Variants in SPNS3 observed in about 807,000 individuals in gnomAD.
SPNS3 encodes protein spinster homolog 3.
SPNS3 carries 51 observed loss-of-function variants against 54.4 expected under a neutral mutation model. That is an observed-to-expected ratio of 0.94 (90% CI 0.75 to 1.18). The LOEUF is 1.18. Among genes scored for constraint, SPNS3 ranks in the 50% most tolerant of loss-of-function variants. The probability of loss-of-function intolerance (pLI) is 0.00; values close to 1 mark genes in which losing one functional copy is unlikely to be tolerated. For missense variants in SPNS3, 669 were observed against 677.4 expected (o/e 0.99, Z 0.14); for synonymous variants, 309 against 294.7 (o/e 1.05, Z -0.50).
intron 1 of SPNS3, among the ~76,000 whole-genome samples, chr17:4,434,861 G>A (rs1241137302): frequency 6.7e-6 from 1 of 149,648 alleles, no homozygotes; most frequent in Non-Finnish European, 1.5e-5. Flanking sequence ...CTGGAGTGCA[G>A]TGGCGCGATC....
At chr17:4,448,330 G>T (rs908487309) in intron 6 of SPNS3, 27 bp downstream of exon 6, 1 of 1,497,376 alleles carries the variant, frequency 6.7e-7, no homozygotes, top group African/African-American at 1.4e-5. Context: ...CCCCCTGCAA[G>T]GCACAGAAAA....
At chr17:4,441,918 C>A (rs907887264) in intron 2 of SPNS3, among the ~76,000 whole-genome samples, 1 of 150,742 alleles carries the variant, frequency 6.6e-6, no homozygotes, top group Non-Finnish European at 1.5e-5. Flanking sequence ...CTGGCCCTTA[C>A]CATAGTATGG....
chr17:4,464,932 C>T (rs1411589237), intron 8 of SPNS3, among the ~76,000 whole-genome samples: 59 of 152,268 alleles, frequency 3.9e-4, no homozygotes, highest in Non-Finnish European at 2.5e-4. Flanking sequence ...CCACCCGCCT[C>T]GGCCTCCCAG....
intron 8 of SPNS3, among the ~76,000 whole-genome samples, chr17:4,461,361 C>CTTTTCTT (rs1971498511): frequency 3.0e-5 from 1 of 33,394 alleles, no homozygotes; most frequent in Non-Finnish European, 6.0e-5. Context: ...CTTTTCTTTT[C>CTTTTCTT]TTTTTTTTTT....
intron 8 of SPNS3, among the ~76,000 whole-genome samples, chr17:4,470,965 C>A (rs1971838481): frequency 6.6e-6 from 1 of 152,076 alleles, no homozygotes. Flanking sequence ...GCTCTTGTTG[C>A]CCAGGCTGGA....
chr17:4,452,245 C>T (rs1028724666), intron 7 of SPNS3, among the ~76,000 whole-genome samples: 5 of 152,022 alleles, frequency 3.3e-5, no homozygotes, highest in Non-Finnish European at 5.9e-5. Flanking sequence ...TACAGGTGCA[C>T]GCCACCAAGG....
chr17:4,437,484 T>C (rs904533696), intron 1 of SPNS3, among the ~76,000 whole-genome samples: 1 of 151,786 alleles, frequency 6.6e-6, no homozygotes, highest in Non-Finnish European at 1.5e-5. Context: ...CTGGCCAAAA[T>C]GGTGAAACCC....
intron 9 of SPNS3, among the ~76,000 whole-genome samples, chr17:4,478,940 C>T (rs1282012641): frequency 6.6e-6 from 1 of 152,082 alleles, no homozygotes; most frequent in Non-Finnish European, 1.5e-5. Context: ...TGGGCTACTT[C>T]CCTCCCTCTT....
At chr17:4,436,569 C>T (rs955845279) in intron 1 of SPNS3, among the ~76,000 whole-genome samples, 2 of 151,362 alleles carry the variant, frequency 1.3e-5, no homozygotes, top group African/African-American at 2.4e-5. Flanking sequence ...GGTGAGCCCT[C>T]TAGCCTGAGT....
intron 8 of SPNS3, 82 bp downstream of exon 8, chr17:4,453,287 C>A (rs1357757998): frequency 7.6e-6 from 10 of 1,313,224 alleles, no homozygotes; most frequent in South Asian, 1.4e-5. Flanking sequence ...CTGCGCCCGG[C>A]CTTTATGTAC....
intron 8 of SPNS3, among the ~76,000 whole-genome samples, chr17:4,464,783 C>T (rs575304235): frequency 1.4e-3 from 211 of 152,256 alleles, no homozygotes; most frequent in Non-Finnish European, 2.6e-3. Context: ...CAGGTTCAAG[C>T]GATTCTCCTG....
At chr17:4,466,154 C>T (rs974954926) in intron 8 of SPNS3, among the ~76,000 whole-genome samples, 6 of 152,236 alleles carry the variant, frequency 3.9e-5, no homozygotes, top group Non-Finnish European at 5.9e-5. Context: ...CTTTCCCCAG[C>T]GCCTCCTCTT....
chr17:4,478,552 AG>A lies in SPNS3; in HGVS notation c.1114-18del. The stretch of plus-strand genomic sequence containing the variant: ...GACTGGGATCTGGGAATCCTCACCC[AG>A]GCCACCCTCTGTCCACAGGTGTTCC... On this transcript the variant is annotated intron_variant, in intron 8 of 11. Coordinates refer to ENST00000355530, the MANE Select transcript of SPNS3 (RefSeq NM_182538.5). 6.4e-7 allele frequency: 1 copy of A among 1,560,102 alleles called. No individual in the cohort carries two copies. The highest frequency in any genetic ancestry group is 8.7e-7 in the Non-Finnish European group (1 of 1,150,892).
chr17:4,455,917 T>TGG (rs10531598), intron 8 of SPNS3, among the ~76,000 whole-genome samples: 13 of 150,856 alleles, frequency 8.6e-5, no homozygotes, highest in African/African-American at 2.7e-4. Flanking sequence ...CTGCCCTCTG[T>TGG]GGGGGGGGGG....
At position 4,483,239 on chromosome 17, in the gene SPNS3, G is replaced by C. The variant is rs986441795; in HGVS notation, c.1180-2989G>C. 6.6e-6 allele frequency among the ~76,000 whole-genome samples: 1 copy of C among 152,162 alleles called. No individual in the cohort carries two copies. Among genetic ancestry groups the C allele is most frequent in the Non-Finnish European group, 1.5e-5 (1 of 68,020 alleles). ...CAAGCCCTTGGGTGGCCCTGGTTTC[G>C]CCCTCGGCTATAAAGGGAACGGCCC... On this transcript the variant is annotated intron_variant, in intron 9 of 11. Coordinates refer to ENST00000355530, the MANE Select transcript of SPNS3 (RefSeq NM_182538.5). This position sits in a 1 kb window ranked among gnomAD's most constrained non-coding sequence, Gnocchi z 4.2.
chr17:4,486,212 T>A lies in SPNS3; in HGVS notation c.1180-16T>A. On this transcript the variant is annotated splice_polypyrimidine_tract_variant and intron_variant, in intron 9 of 11. Transcript: ENST00000355530. This position sits in a 1 kb window ranked among gnomAD's most constrained non-coding sequence, Gnocchi z 5.5. ...CCTCACTTGGGGTGCCCCCCTGCTGTGCCTATGTTTTGCAGTCTGTGGTGG... is the reference window on the plus strand; with the variant it reads ...CCTCACTTGGGGTGCCCCCCTGCTGAGCCTATGTTTTGCAGTCTGTGGTGG... The A allele has an allele frequency of 2.6e-6, 4 of 1,525,344 alleles. No individual in the cohort carries two copies. Among genetic ancestry groups the A allele is most frequent in the Non-Finnish European group, 3.5e-6 (4 of 1,139,166 alleles). The allele number at this position is 1,525,344 out of a possible 1,614,324, so 94.5% of individuals were successfully genotyped here. A position where few individuals can be genotyped will look rare whatever the true frequency, so the allele number is the denominator to read the frequency against.
At chr17:4,484,977 G>T (rs1972271325) in intron 9 of SPNS3, 1 of 152,198 alleles carries the variant, frequency 6.6e-6, no homozygotes, top group South Asian at 2.1e-4. Flanking sequence ...TCCCAGTTCT[G>T]GGAGACATGC....
chr17:4,487,714 A>G, intron 11 of SPNS3, 92 bp from the exon 12 acceptor site: 2 of 1,111,460 alleles, frequency 1.8e-6, no homozygotes, highest in East Asian at 2.3e-5. Context: ...TGGGACAGAG[A>G]GGATTTCCTG....
At chr17:4,469,386 C>T (rs1259890463) in intron 8 of SPNS3, among the ~76,000 whole-genome samples, 1 of 152,172 alleles carries the variant, frequency 6.6e-6, no homozygotes, top group Non-Finnish European at 1.5e-5. Context: ...TGTGCCTGGC[C>T]TCAACTGGAC....
Sources: gnomAD v4.1 joint callset for allele counts (sites outside exome capture counted in the v4.1 genomes callset) on GRCh38, gnomAD v4.1.1 for gene constraint, Gnocchi (gnomAD v3.1) non-coding constraint, MANE v1.5 for transcripts, NCBI Gene and HGNC (gene_info 2026-07-23, HGNC 2026-07-21) for gene names.